The following CLMN variants were observed in gnomAD, a reference collection of about 807,000 sequenced individuals.
The protein encoded by CLMN is calmin.
In CLMN, 57 loss-of-function variants were observed where a neutral mutation model predicts 92.7. That is an observed-to-expected ratio of 0.61 (90% confidence interval 0.50 to 0.77). CLMN has a LOEUF of 0.77. Ranked by LOEUF, CLMN falls within the 30% of genes least tolerant of loss-of-function variation. The probability of loss-of-function intolerance (pLI) is 0.00; values close to 1 mark genes in which losing one functional copy is unlikely to be tolerated. For synonymous variants in CLMN, 466 were observed against 470.6 expected, an observed-to-expected ratio of 0.99 and a Z score of 0.13; for missense variants, 1,158 against 1,237.5, an observed-to-expected ratio of 0.94 and a Z score of 0.96.
At position 95,191,653 on chromosome 14, in the gene CLMN, G is replaced by T. The variant is rs1463660110; in HGVS notation, c.2920C>A (p.Gln974Lys). The change falls in exon 13 of 13, where the codon CAG becomes AAG. Residue 974 changes from glutamine (Q) to lysine (K), a missense_variant. Coordinates refer to ENST00000298912, the MANE Select transcript of CLMN (RefSeq NM_024734.4). The surrounding 1 kb of genome is among the most constrained non-coding windows in gnomAD (Gnocchi z 5.3). The stretch of plus-strand genomic sequence containing the variant: ...AGAATAAAATACATCATATCCGGCT[G>T]CTGGACAAGCTGTGTCAGGGAGTCA... ...QSDSLTQLVQ[Q>K]PDMMYFILFL... 1.9e-6 allele frequency: 3 copies of T among 1,613,636 alleles called. No individual in the cohort carries two copies. Among genetic ancestry groups the T allele is most frequent in the Non-Finnish European group, 2.5e-6 (3 of 1,180,000 alleles).
chr14:95,264,993 T>A (rs1418081165), intron 1 of CLMN, among the ~76,000 whole-genome samples: 1 of 150,038 alleles, frequency 6.7e-6, no homozygotes, highest in Non-Finnish European at 1.5e-5. Flanking sequence ...ATGTCTATAA[T>A]CCTAGCACTT....
Position 95,194,097 on chromosome 14 carries a change from T to A in CLMN, c.2770-178A>T, listed in dbSNP as rs1333948508. The A allele has an allele frequency of 7.0e-7, 1 of 1,427,870 alleles. No individual in the cohort carries two copies. Among genetic ancestry groups the A allele is most frequent in the Non-Finnish European group, 9.1e-7 (1 of 1,097,506 alleles). 88.5% of individuals were successfully genotyped at this position (1,427,870 alleles called of 1,614,324 possible). ...AAACAATATACATTCCTCTACCTCC[T>A]CCCCTAAGCCCCTCCCTTGTGAGTG... On this transcript the variant is annotated intron_variant, in intron 11 of 12. Coordinates refer to ENST00000298912, the MANE Select transcript of CLMN (RefSeq NM_024734.4). This position sits in a 1 kb window ranked among gnomAD's most constrained non-coding sequence, Gnocchi z 4.0.
chr14:95,219,702 G>A (rs1897466358), intron 4 of CLMN, among the ~76,000 whole-genome samples: 1 of 152,190 alleles, frequency 6.6e-6, no homozygotes, highest in African/African-American at 2.4e-5. Context: ...ACCTGTGCTG[G>A]CCCACGTTTG....
At position 95,230,068 on chromosome 14, in the gene CLMN, T is replaced by C. The variant is rs1252822272; in HGVS notation, c.144+4A>G. The C allele has an allele frequency of 3.1e-6, 5 of 1,613,930 alleles. No homozygotes were observed. Among genetic ancestry groups the C allele is most frequent in the Non-Finnish European group, 4.2e-6 (5 of 1,179,878 alleles). Reference sequence around the variant, plus strand: ...ACTTAGCAAACACCCAAGTGCGCCATTACCTTTTCTAGATGTAGATTTATC... The same window carrying C: ...ACTTAGCAAACACCCAAGTGCGCCACTACCTTTTCTAGATGTAGATTTATC... On this transcript the variant is annotated splice_donor_region_variant and intron_variant, in intron 2 of 12. Transcript: ENST00000298912.
At chr14:95,214,771 G>A (rs566204209) in intron 5 of CLMN, among the ~76,000 whole-genome samples, 1 of 151,824 alleles carries the variant, frequency 6.6e-6, no homozygotes, top group Admixed American at 6.6e-5. Flanking sequence ...GGTTCACTCA[G>A]AACAGGAACT....
intron 2 of CLMN, among the ~76,000 whole-genome samples, chr14:95,227,722 T>C (rs7153760): frequency 0.36 from 54,257 of 152,104 alleles, 10,139 homozygotes; most frequent in African/African-American, 0.39. Context: ...CCAAACGCTC[T>C]GTGGGCTTCA....
chr14:95,190,791 T>G lies in CLMN; in HGVS notation c.*773A>C, dbSNP rs1432694319. The G allele has an allele frequency of 6.6e-6, 1 of 152,216 alleles. No homozygotes were observed. Among genetic ancestry groups the G allele is most frequent in the Non-Finnish European group, 1.5e-5 (1 of 68,048 alleles). The allele number at this position is 152,216 out of a possible 1,614,324, so 9.4% of individuals were successfully genotyped here. ...CAGCCCAGCCACTCCTCATGGCTTTTATATGGCCCTGCTGGGCCCTGGCGA... is the reference window on the plus strand; with the variant it reads ...CAGCCCAGCCACTCCTCATGGCTTTGATATGGCCCTGCTGGGCCCTGGCGA... On this transcript the variant is annotated 3_prime_UTR_variant, in exon 13 of 13. Coordinates refer to ENST00000298912, the MANE Select transcript of CLMN (RefSeq NM_024734.4).
intron 1 of CLMN, among the ~76,000 whole-genome samples, chr14:95,297,345 C>G (rs1900849143): frequency 6.6e-6 from 1 of 152,210 alleles, no homozygotes; most frequent in Non-Finnish European, 1.5e-5. Context: ...CTAGTGGTCT[C>G]TCTTTAAAAT....
chr14:95,245,254 AATATATATATATATAT>A (rs1898492112), intron 1 of CLMN, among the ~76,000 whole-genome samples: 1 of 27,974 alleles, frequency 3.6e-5, no homozygotes, highest in African/African-American at 2.1e-4. Flanking sequence ...ATATATATAT[AATATATATATATATAT>A]TATATATATA....
At position 95,306,010 on chromosome 14, in the gene CLMN, C is replaced by T. The variant is rs560042798; in HGVS notation, c.82+13701G>A. 5.9e-5 allele frequency among the ~76,000 whole-genome samples: 9 copies of T among 152,256 alleles called. No individual in the cohort carries two copies. The South Asian group carries it at 1.9e-3, about 32-fold the overall frequency. On this transcript the variant is annotated intron_variant, in intron 1 of 12. Transcript: ENST00000298912. ...GCAAATTCTCAGTAAATCTACCACC[C>T]AGGCACTCTCTCTCAGGAAGGATGT... is the stretch of plus-strand genomic sequence containing the variant.
intron 1 of CLMN, among the ~76,000 whole-genome samples, chr14:95,253,622 T>TTG (rs1595062315): frequency 1.3e-5 from 2 of 151,276 alleles, no homozygotes; most frequent in East Asian, 1.9e-4. Flanking sequence ...TTTTTGTTTT[T>TTG]TTTTTTTTGA....
In CLMN at chr14:95,221,820, G is replaced by A. The variant is rs566092718; in HGVS notation, c.241-46C>T. 4 of 1,567,074 alleles carry A rather than the reference G, an allele frequency of 2.6e-6. No individual in the cohort carries two copies. In the East Asian group the frequency reaches 6.7e-5, roughly 26 times the overall value. On this transcript the variant is annotated intron_variant, in intron 3 of 12. Transcript: ENST00000298912. The stretch of plus-strand genomic sequence containing the variant: ...AAACAAGCACATTAAACCCGCACAG[G>A]CACTTCCCAACACCCAGCGGTGCTG...
At chr14:95,298,660 C>T (rs1323476923) in intron 1 of CLMN, among the ~76,000 whole-genome samples, 1 of 152,210 alleles carries the variant, frequency 6.6e-6, no homozygotes, top group Non-Finnish European at 1.5e-5. Flanking sequence ...AGACCTGTAA[C>T]AGGAGTACAT....
chr14:95,303,668 A>G (rs1305147724), intron 1 of CLMN, among the ~76,000 whole-genome samples: 1 of 152,210 alleles, frequency 6.6e-6, no homozygotes, highest in Non-Finnish European at 1.5e-5. Flanking sequence ...GCAGCCTGGG[A>G]AATGGTCAAA....
intron 1 of CLMN, among the ~76,000 whole-genome samples, chr14:95,282,650 A>G (rs915324172): frequency 2.6e-5 from 4 of 152,234 alleles, no homozygotes; most frequent in Non-Finnish European, 5.9e-5. Context: ...AAAAACCACA[A>G]GGACAAAGAG....
In CLMN at chr14:95,215,649, A is replaced by G; in HGVS notation, c.409T>C (p.Phe137Leu). 6.2e-7 allele frequency: 1 copy of G among 1,613,528 alleles called. No individual in the cohort carries two copies. The highest frequency in any genetic ancestry group is 8.5e-7 in the Non-Finnish European group (1 of 1,179,388). Residue 137 changes from phenylalanine (F) to leucine (L), a missense_variant, in exon 5 of 13, where the codon TTC becomes CTC. Transcript: ENST00000298912. ...AAAAGAAATGATCTTACCTGGAAGA[A>G]GAGGATTATGTTCCATATCAGCCCA... ...VLGLIWNIIL[F>L]FQIKELTGNL... is the part of the protein sequence containing the mutation.
intron 1 of CLMN, among the ~76,000 whole-genome samples, chr14:95,239,029 A>G (rs1378409713): frequency 1.3e-5 from 2 of 152,232 alleles, no homozygotes; most frequent in Admixed American, 6.5e-5. Context: ...GTCTAACCTC[A>G]GTGCTAAACC....
At chr14:95,207,606 T>A (rs1897080773) in intron 8 of CLMN, among the ~76,000 whole-genome samples, 1 of 152,202 alleles carries the variant, frequency 6.6e-6, no homozygotes, top group Non-Finnish European at 1.5e-5. Context: ...TGGGTCAGAT[T>A]TCCATTTTAC....
intron 1 of CLMN, among the ~76,000 whole-genome samples, chr14:95,290,648 T>C (rs78303673): frequency 0.048 from 7,265 of 152,254 alleles, 199 homozygotes; most frequent in Middle Eastern, 0.082. Context: ...ACCAGTGCCT[T>C]GAATTTAGCC....
Sources: allele counts gnomAD v4.1 joint callset (sites outside exome capture counted in the v4.1 genomes callset), GRCh38; gene constraint gnomAD v4.1.1; non-coding constraint Gnocchi (gnomAD v3.1); transcripts MANE v1.5; gene names NCBI Gene and HGNC (gene_info 2026-07-23, HGNC 2026-07-21).